The following PPL variants were observed in gnomAD, a reference collection of about 807,000 sequenced individuals.
The protein encoded by PPL is periplakin.
A neutral mutation model predicts 194.4 loss-of-function variants in PPL; 198 were observed. The observed-to-expected ratio is 1.02, with a 90% CI of 0.91 to 1.15. The LOEUF (loss-of-function observed/expected upper bound fraction) is 1.15, where lower values mean the gene tolerates loss of function less well. Among genes scored for constraint, PPL ranks in the 50% most tolerant of loss-of-function variants. PPL has a pLI of 0.00. For missense variants in PPL, 2,885 were observed against 2,294.8 expected, an observed-to-expected ratio of 1.26 and a Z score of -5.25; for synonymous variants, 1,220 against 972.4, an observed-to-expected ratio of 1.25 and a Z score of -4.74.
At chr16:4,886,686 T>A (rs1421511402) in intron 21 of PPL, among the ~76,000 whole-genome samples, 1 of 152,358 alleles carries the variant, frequency 6.6e-6, no homozygotes, top group Non-Finnish European at 1.5e-5. Context: ...TGGCACAGTC[T>A]CAGCTCCCTG....
intron 1 of PPL, among the ~76,000 whole-genome samples, chr16:4,923,807 G>C (rs2089101828): frequency 6.6e-6 from 1 of 152,118 alleles, no homozygotes; most frequent in South Asian, 2.1e-4. Flanking sequence ...AAAGCGCTTT[G>C]GGTGTGGCCG....
rs1420313465 is a variant in PPL at position 4,891,910 on chromosome 16, C to G, written c.1869G>C (p.Gln623His). ...CGTGTGTGGCCAGCAACTCCCAGCT[C>G]TGCTGCAGGCTCTTCTCCAGGCGGT... The part of the protein sequence containing the change: ...VANRLEKSLQ[Q>H]SWELLATHEN... Residue 623 changes from glutamine (Q) to histidine (H), a missense_variant, in exon 16 of 22, where the codon CAG (glutamine) becomes CAC (histidine). Physicochemically the swap from Gln to His is conservative, Grantham distance 24. Coordinates refer to ENST00000345988, the MANE Select transcript of PPL (RefSeq NM_002705.5). 8 of 1,613,478 alleles carry G rather than the reference C, an allele frequency of 5.0e-6. No homozygotes were observed. Among genetic ancestry groups the G allele is most frequent in the Non-Finnish European group, 6.8e-6 (8 of 1,180,020 alleles).
At chr16:4,891,059 C>T in intron 16 of PPL, 138 bp from the exon 17 acceptor site, 1 of 670,810 alleles carries the variant, frequency 1.5e-6, no homozygotes, top group Admixed American at 3.4e-5. Flanking sequence ...GAGCCTTGCT[C>T]TGTACATCCC....
intron 1 of PPL, among the ~76,000 whole-genome samples, chr16:4,934,182 AT>A (rs2089262594): frequency 6.6e-6 from 1 of 152,124 alleles, no homozygotes. Context: ...AGGTGTGAAC[AT>A]CAACTCCCAC....
intron 12 of PPL, 105 bp downstream of exon 12, chr16:4,894,362 C>G (rs1407236908): frequency 4.2e-6 from 6 of 1,436,596 alleles, no homozygotes; most frequent in Admixed American, 2.1e-5. Flanking sequence ...TCAGCGACCC[C>G]GCGCTCCCCA....
At chr16:4,934,761 A>G (rs1443293305) in intron 1 of PPL, among the ~76,000 whole-genome samples, 1 of 152,102 alleles carries the variant, frequency 6.6e-6, no homozygotes. Context: ...CCACCAAGAC[A>G]CTTGCTATGG....
At position 4,893,544 on chromosome 16, in the gene PPL, C is replaced by G; in HGVS notation, c.1489G>C (p.Gly497Arg). 1 of 1,612,406 alleles carries G rather than the reference C, an allele frequency of 6.2e-7. No individual in the cohort carries two copies. The highest frequency in any genetic ancestry group is 8.5e-7 in the Non-Finnish European group (1 of 1,179,748). ...GGCGAGTGGCCCTGGCACCCACCTC[C>G]GGGATTCTCGGTCTTCAGCACCTCA... is the stretch of plus-strand genomic sequence containing the variant. Reference protein sequence around the residue: ...RYEVLKTENPGDASDLQGRQL... With the variant: ...RYEVLKTENPRDASDLQGRQL... The change falls in exon 13 of 22, where the codon GGA (glycine) becomes CGA (arginine). Residue 497 changes from glycine to arginine, a missense_variant. Physicochemically the swap from Gly to Arg is moderately radical, Grantham distance 125. Transcript: ENST00000345988.
chr16:4,885,949 C>G lies in PPL; in HGVS notation c.2706G>C (p.Glu902Asp), dbSNP rs1405714636. Residue 902 changes from glutamate (E) to aspartate (D), a missense_variant, in exon 22 of 22, where the codon GAG becomes GAC. Coordinates refer to ENST00000345988, the MANE Select transcript of PPL (RefSeq NM_002705.5). This position sits in a 1 kb window ranked among gnomAD's most constrained non-coding sequence, Gnocchi z 6.3. ...TCTCCAGCTGCCGCCTCCGCTCAGT[C>G]TCCTCATCCAGTTCCTTCCTGATCT... ...AWKIRKELDE[E>D]TERRRQLENE... The G allele has an allele frequency of 6.2e-7, 1 of 1,613,612 alleles. No homozygotes were observed. The highest frequency in any genetic ancestry group is 1.1e-5 in the South Asian group (1 of 91,074).
chr16:4,928,122 C>G (rs1222105732), intron 1 of PPL, among the ~76,000 whole-genome samples: 1 of 152,180 alleles, frequency 6.6e-6, no homozygotes, highest in African/African-American at 2.4e-5. Flanking sequence ...GGGTTCAGGA[C>G]CACTGGAGAA....
Position 4,902,181 on chromosome 16 carries a change from G to A in PPL, c.438+225C>T, listed in dbSNP as rs1044173308. 1.3e-5 allele frequency among the ~76,000 whole-genome samples: 2 copies of A among 152,144 alleles called. No homozygotes were observed. Among genetic ancestry groups the A allele is most frequent in the African/African-American group, 4.8e-5 (2 of 41,442 alleles). ...GAGCAGCAGCGAGGTGTGGCTGACA[G>A]GGGACAGAGTCCGAATCTCCACCGC... On this transcript the variant is annotated intron_variant, in intron 4 of 21. Coordinates refer to ENST00000345988, the MANE Select transcript of PPL (RefSeq NM_002705.5). The surrounding 1 kb of genome is among the most constrained non-coding windows in gnomAD (Gnocchi z 4.0).
intron 2 of PPL, among the ~76,000 whole-genome samples, chr16:4,907,815 T>G (rs2088724982): frequency 6.6e-6 from 1 of 152,156 alleles, no homozygotes; most frequent in Admixed American, 6.6e-5. Context: ...GTGTGATCCA[T>G]GTAGTCTTCA....
intron 4 of PPL, among the ~76,000 whole-genome samples, chr16:4,901,871 T>C (rs1427762777): frequency 1.3e-5 from 2 of 151,846 alleles, no homozygotes; most frequent in African/African-American, 4.8e-5. Flanking sequence ...GCCTGGGAAG[T>C]TGACGCTGCA....
rs1416920066 is a variant in PPL at position 4,897,780 on chromosome 16, A to C, written c.877-10T>G. ...CAGCCTCCATGTGCGCCTGCCAGGA[A>C]GAGAAGGGGCCGGTCACCACTGGGC... On this transcript the variant is annotated splice_polypyrimidine_tract_variant and intron_variant, in intron 8 of 21. Transcript: ENST00000345988. 1.2e-6 allele frequency: 2 copies of C among 1,611,636 alleles called. No individual in the cohort carries two copies. Among genetic ancestry groups the C allele is most frequent in the African/African-American group, 2.7e-5 (2 of 74,882 alleles).
intron 1 of PPL, among the ~76,000 whole-genome samples, chr16:4,920,078 G>T (rs2089005813): frequency 6.6e-6 from 1 of 151,944 alleles, no homozygotes; most frequent in African/African-American, 2.4e-5. Context: ...GAGGTCAGGA[G>T]ATCGAGATCA....
Position 4,891,952 on chromosome 16 carries a change from G to A in PPL, c.1830-3C>T. 1.2e-6 allele frequency: 2 copies of A among 1,612,458 alleles called. No homozygotes were observed. Among genetic ancestry groups the A allele is most frequent in the Non-Finnish European group, 1.7e-6 (2 of 1,179,552 alleles). On this transcript the variant is annotated splice_region_variant and splice_polypyrimidine_tract_variant and intron_variant, in intron 15 of 21. Transcript: ENST00000345988. Reference sequence around the variant, plus strand: ...CCAGGCGGTTGGCCACATCAACCCTGAGAGCACCAATCAGGCGTCGGGGGA... The same window carrying A: ...CCAGGCGGTTGGCCACATCAACCCTAAGAGCACCAATCAGGCGTCGGGGGA...
chr16:4,883,323 G>T lies in PPL; in HGVS notation c.*61C>A. ...GCAAGGGAGAGGACGACACCAAGGA[G>T]GTCACTGCGTCGTAGGAGAGGGCCA... On this transcript the variant is annotated 3_prime_UTR_variant, in exon 22 of 22. Transcript: ENST00000345988. This position sits in a 1 kb window ranked among gnomAD's most constrained non-coding sequence, Gnocchi z 4.8. The T allele has an allele frequency of 6.2e-7, 1 of 1,602,292 alleles. No individual in the cohort carries two copies. Among genetic ancestry groups the T allele is most frequent in the Non-Finnish European group, 8.5e-7 (1 of 1,176,926 alleles).
At chr16:4,886,224 G>T (rs1467856529) in intron 21 of PPL, among the ~76,000 whole-genome samples, 177 bp from the exon 22 acceptor site, 6 of 151,846 alleles carry the variant, frequency 4.0e-5, no homozygotes, top group Admixed American at 1.3e-4. Context: ...ACTAGTTTGG[G>T]GTTTTTTTTA....
At chr16:4,933,843 G>T (rs1221693971) in intron 1 of PPL, among the ~76,000 whole-genome samples, 2 of 152,222 alleles carry the variant, frequency 1.3e-5, no homozygotes, top group Non-Finnish European at 2.9e-5. Flanking sequence ...TGTCCACCAT[G>T]ATATCAAGTT....
chr16:4,932,136 G>C (rs1435414059), intron 1 of PPL, among the ~76,000 whole-genome samples: 1 of 152,246 alleles, frequency 6.6e-6, no homozygotes, highest in African/African-American at 2.4e-5. Context: ...CCATTTGTGA[G>C]CTGTGAGCTC....
Sources: gnomAD v4.1 joint callset for allele counts (sites outside exome capture counted in the v4.1 genomes callset) on GRCh38, gnomAD v4.1.1 for gene constraint, Gnocchi (gnomAD v3.1) non-coding constraint, MANE v1.5 for transcripts, NCBI Gene and HGNC (gene_info 2026-07-23, HGNC 2026-07-21) for gene names.